PCDH15: variants seen among roughly 807,000 people sequenced by gnomAD.
PCDH15 encodes the protein protocadherin-15.
Under a neutral mutation model 178.5 loss-of-function variants are expected in PCDH15, and 129 were observed. That is an observed-to-expected ratio of 0.72 (90% confidence interval 0.63 to 0.84). The LOEUF is 0.84. Among genes scored for constraint, PCDH15 ranks in the 40% least tolerant of loss-of-function variants. The pLI, the probability that PCDH15 is intolerant of heterozygous loss-of-function variation, is 0.00. For missense variants in PCDH15, 2,230 were observed against 2,099.9 expected (o/e 1.06, Z -1.21); for synonymous variants, 800 against 732.0 (o/e 1.09, Z -1.50).
intron 2 of PCDH15, among the ~76,000 whole-genome samples, chr10:55,531,571 T>C (rs1047014707): frequency 6.6e-6 from 1 of 152,026 alleles, no homozygotes; most frequent in Non-Finnish European, 1.5e-5. Context: ...TGACTACCCT[T>C]CATTTCTTAC....
intron 3 of PCDH15, among the ~76,000 whole-genome samples, chr10:54,849,422 A>G (rs1286795271): frequency 6.6e-6 from 1 of 152,102 alleles, no homozygotes; most frequent in Admixed American, 6.6e-5. Flanking sequence ...TCCTTTGTGA[A>G]TAAATGCGAA....
At chr10:53,912,468 A>G (rs577288451) in intron 25 of PCDH15, among the ~76,000 whole-genome samples, 1 of 152,322 alleles carries the variant, frequency 6.6e-6, no homozygotes, top group East Asian at 1.9e-4. Context: ...AGAAAGAAAT[A>G]AAGGGTATTC....
At chr10:54,959,547 C>T (rs1838588007) in intron 2 of PCDH15, among the ~76,000 whole-genome samples, 3 of 152,006 alleles carry the variant, frequency 2.0e-5, no homozygotes, top group African/African-American at 7.2e-5. Flanking sequence ...GAAATGAACA[C>T]ATTTTATGAT....
intron 2 of PCDH15, among the ~76,000 whole-genome samples, chr10:55,153,258 G>A (rs1251862691): frequency 6.6e-6 from 1 of 152,000 alleles, no homozygotes; most frequent in Non-Finnish European, 1.5e-5. Flanking sequence ...TTCTTGAGCT[G>A]CCCAGGTTGT....
intron 2 of PCDH15, among the ~76,000 whole-genome samples, chr10:55,117,880 T>C (rs1192927995): frequency 6.6e-6 from 1 of 152,178 alleles, no homozygotes; most frequent in Non-Finnish European, 1.5e-5. Flanking sequence ...AAATTAGATC[T>C]AAGCGGAAAG....
At chr10:55,499,450 CACAAAT>C (rs1840607348) in intron 2 of PCDH15, among the ~76,000 whole-genome samples, 3 of 135,126 alleles carry the variant, frequency 2.2e-5, no homozygotes, top group Admixed American at 7.5e-5. Context: ...CACACACACA[CACAAAT>C]AATGTTGCAT....
chr10:54,282,038 C>T lies in PCDH15; in HGVS notation c.876+35233G>A, dbSNP rs181959555. ...CAGACATAACAGTTGACTTTGTGCT[C>T]TTTGACATTTACTACTACAGACTGT... On this transcript the variant is annotated intron_variant, in intron 8 of 37. Coordinates refer to ENST00000644397, the MANE Select transcript of PCDH15 (RefSeq NM_001384140.1). Among the ~76,000 whole-genome samples, 644 of 152,180 alleles carry T rather than the reference C, an allele frequency of 4.2e-3. 8 individuals are homozygous for T. The highest frequency in any genetic ancestry group is 0.013 in the African/African-American group (532 of 41,538).
At chr10:54,352,600 G>A (rs573957869) in intron 5 of PCDH15, among the ~76,000 whole-genome samples, 76 of 152,190 alleles carry the variant, frequency 5.0e-4, no homozygotes, top group Admixed American at 9.2e-4. Flanking sequence ...AATGCTACCG[G>A]GGTGGCAGGT....
At position 53,806,775 on chromosome 10, in the gene PCDH15, C is replaced by T. The variant is rs1272078193; in HGVS notation, c.5027G>A (p.Cys1676Tyr). ...CGCTGTATTGTCAGTCCCCACAGGGCAAGGGGCAAATGTAACCAGAGTTGG... is the reference window on the plus strand; with the variant it reads ...CGCTGTATTGTCAGTCCCCACAGGGTAAGGGGCAAATGTAACCAGAGTTGG... ...ARPTLVTFAP[C>Y]PVGTDNTAVK... Residue 1676 changes from cysteine (C) to tyrosine (Y), a missense_variant, in exon 38 of 38, where the codon TGC becomes TAC. By Grantham distance (194) the Cys-to-Tyr change is radical (BLOSUM62 -2). Coordinates refer to ENST00000644397, the MANE Select transcript of PCDH15 (RefSeq NM_001384140.1). The T allele has an allele frequency of 1.2e-6, 2 of 1,613,850 alleles. No homozygotes were observed. Among genetic ancestry groups the T allele is most frequent in the Non-Finnish European group, 1.7e-6 (2 of 1,179,838 alleles).
intron 23 of PCDH15, among the ~76,000 whole-genome samples, chr10:53,945,881 A>G (rs988777115): frequency 8.3e-6 from 1 of 120,612 alleles, no homozygotes; most frequent in African/African-American, 3.3e-5. Flanking sequence ...ATATATATAT[A>G]TCACATTTTC....
rs193124416 is a variant in PCDH15, at chr10:54,307,282, A to T, written c.876+9989T>A. Among the ~76,000 whole-genome samples the T allele has an allele frequency of 2.2e-3, 324 of 149,788 alleles. 2 individuals carry two copies. Among genetic ancestry groups the T allele is most frequent in the African/African-American group, 5.6e-3 (229 of 40,926 alleles). On this transcript the variant is annotated intron_variant, in intron 8 of 37. Coordinates refer to ENST00000644397, the MANE Select transcript of PCDH15 (RefSeq NM_001384140.1). ...TGTGTCTAATCTTTTTAAATGTTTC[A>T]GTATAATTTATAATTAGCAGCCAAT...
At chr10:55,052,110 C>T (rs1160371303) in intron 2 of PCDH15, among the ~76,000 whole-genome samples, 1 of 147,534 alleles carries the variant, frequency 6.8e-6, no homozygotes, top group East Asian at 2.0e-4. Flanking sequence ...TTTTTTGAGA[C>T]AGACTCTCGC....
intron 6 of PCDH15, among the ~76,000 whole-genome samples, chr10:54,344,584 C>T (rs993745438): frequency 2.6e-5 from 4 of 151,870 alleles, no homozygotes; most frequent in Non-Finnish European, 4.4e-5. Context: ...TATTTTTACA[C>T]CTTGGGGAGT....
rs182329834 is a variant in PCDH15, at chr10:54,002,585, G to A, written c.2752-6820C>T. ...CATGGAAATTAAACAATACATTACT[G>A]AATAACCAGGGGTCAATGAGGAAAT... On this transcript the variant is annotated intron_variant, in intron 20 of 37. Transcript: ENST00000644397. 2.4e-3 allele frequency among the ~76,000 whole-genome samples: 364 copies of A among 152,202 alleles called. 2 individuals carry two copies. The highest frequency in any genetic ancestry group is 4.5e-3 in the Non-Finnish European group (304 of 68,010).
chr10:54,128,896 C>T (rs2042197466), intron 15 of PCDH15, among the ~76,000 whole-genome samples: 1 of 152,088 alleles, frequency 6.6e-6, no homozygotes, highest in South Asian at 2.1e-4. Context: ...AATATAACAT[C>T]ACAAAATTAA....
intron 17 of PCDH15, among the ~76,000 whole-genome samples, chr10:54,067,743 GT>G (rs75149583): frequency 0.21 from 32,027 of 151,964 alleles, 3,566 homozygotes; most frequent in Non-Finnish European, 0.25. Context: ...GTATGCTATG[GT>G]ATTAAATATT....
At chr10:54,176,248 A>G (rs2047424533) in intron 13 of PCDH15, among the ~76,000 whole-genome samples, 2 of 152,190 alleles carry the variant, frequency 1.3e-5, no homozygotes, top group African/African-American at 2.4e-5. Context: ...TTTTTGTCTT[A>G]AAGGAACTTA....
chr10:55,369,405 A>G (rs1845443674), intron 2 of PCDH15, among the ~76,000 whole-genome samples: 1 of 152,006 alleles, frequency 6.6e-6, no homozygotes, highest in South Asian at 2.1e-4. Flanking sequence ...TTGAGTACCT[A>G]CAGTTGGCAA....
At chr10:54,356,143 T>C (rs1470602746) in intron 5 of PCDH15, among the ~76,000 whole-genome samples, 1 of 152,054 alleles carries the variant, frequency 6.6e-6, no homozygotes, top group Non-Finnish European at 1.5e-5. Context: ...GTCAAAGTGA[T>C]AAAAGCCATC....
Sources: gnomAD v4.1 joint callset for allele counts (sites outside exome capture counted in the v4.1 genomes callset) on GRCh38, gnomAD v4.1.1 for gene constraint, MANE v1.5 for transcripts, NCBI Gene and HGNC (gene_info 2026-07-23, HGNC 2026-07-21) for gene names.